MSI2: variants seen among roughly 807,000 people sequenced by gnomAD.
MSI2 encodes musashi RNA binding protein 2.
MSI2 carries 17 observed loss-of-function variants against 45.6 expected under a neutral mutation model. The ratio of observed to expected loss-of-function variants is 0.37; its 90% confidence interval spans 0.26 to 0.56. The LOEUF (loss-of-function observed/expected upper bound fraction) is 0.56, where lower values mean the gene tolerates loss of function less well. Ranked by LOEUF, MSI2 falls within the 20% of genes least tolerant of loss-of-function variation. The pLI is 0.77. For synonymous variants in MSI2, 156 were observed against 158.2 expected, an observed-to-expected ratio of 0.99 and a Z score of 0.11; for missense variants, 293 against 444.2, an observed-to-expected ratio of 0.66 and a Z score of 3.06.
At chr17:57,555,706 C>T (rs988781611) in intron 7 of MSI2, among the ~76,000 whole-genome samples, 1 of 152,144 alleles carries the variant, frequency 6.6e-6, no homozygotes, top group Non-Finnish European at 1.5e-5. Context: ...TCTTGGTGTC[C>T]CCAGTACCTG....
chr17:57,589,227 G>T (rs538472878), intron 7 of MSI2, among the ~76,000 whole-genome samples: 61 of 152,286 alleles, frequency 4.0e-4, no homozygotes, highest in African/African-American at 1.4e-3. Flanking sequence ...ACTCCAATTG[G>T]CTCTCACTGA....
intron 6 of MSI2, among the ~76,000 whole-genome samples, chr17:57,422,683 C>G (rs1430396023): frequency 2.0e-5 from 3 of 152,172 alleles, no homozygotes; most frequent in African/African-American, 7.2e-5. Context: ...TCGTGGTCTG[C>G]TTTGATGTCA....
chr17:57,614,870 A>G (rs1191466909), intron 8 of MSI2, among the ~76,000 whole-genome samples: 1 of 152,224 alleles, frequency 6.6e-6, no homozygotes, highest in East Asian at 1.9e-4. Context: ...GTATACAAGC[A>G]GATTAGCATG....
chr17:57,296,995 C>T lies in MSI2; in HGVS notation c.312+34803C>T, dbSNP rs904043995. ...GTTTACGCCATTCTCCTGCCTCAGC[C>T]TCCTGGGTAGCTGGGACTACAGGCC... On this transcript the variant is annotated intron_variant, in intron 5 of 13. Transcript: ENST00000284073. Among the ~76,000 whole-genome samples the T allele has an allele frequency of 3.3e-5, 5 of 152,168 alleles. No homozygotes were observed. In the East Asian group the frequency reaches 5.8e-4, roughly 18 times the overall value.
chr17:57,385,616 A>T (rs1018980600), intron 5 of MSI2, among the ~76,000 whole-genome samples: 7 of 152,108 alleles, frequency 4.6e-5, no homozygotes, highest in Non-Finnish European at 7.4e-5. Context: ...GTGCCGTTGC[A>T]CCCCACCCTG....
intron 11 of MSI2, among the ~76,000 whole-genome samples, chr17:57,655,328 T>C (rs1366797557): frequency 1.3e-5 from 2 of 152,220 alleles, no homozygotes; most frequent in African/African-American, 4.8e-5. Context: ...TCAGTTCCAG[T>C]GGCCCCATCA....
intron 6 of MSI2, among the ~76,000 whole-genome samples, chr17:57,477,145 G>GGTGTGTGT (rs59127306): frequency 0.011 from 1,338 of 118,686 alleles, 25 homozygotes; most frequent in Non-Finnish European, 0.014. Flanking sequence ...CATAAGGCCT[G>GGTGTGTGT]GTGTGTGTGT....
intron 6 of MSI2, among the ~76,000 whole-genome samples, chr17:57,505,293 A>G (rs976810574): frequency 2.0e-5 from 3 of 152,130 alleles, no homozygotes; most frequent in African/African-American, 7.2e-5. Context: ...GGTGGGGGCC[A>G]TGGATCAGGT....
chr17:57,517,783 C>A (rs1315176940), intron 6 of MSI2, among the ~76,000 whole-genome samples: 1 of 152,088 alleles, frequency 6.6e-6, no homozygotes, highest in Non-Finnish European at 1.5e-5. Flanking sequence ...CTGGCTTATC[C>A]CCTTGCCCCT....
chr17:57,622,364 T>C (rs937487258), intron 9 of MSI2, among the ~76,000 whole-genome samples: 5 of 152,264 alleles, frequency 3.3e-5, no homozygotes, highest in Admixed American at 2.0e-4. Context: ...ATTGTTGATA[T>C]ATTTTATTTC....
At chr17:57,410,593 T>TAA (rs71139991) in intron 6 of MSI2, among the ~76,000 whole-genome samples, 55 of 149,460 alleles carry the variant, frequency 3.7e-4, no homozygotes, top group South Asian at 1.1e-3. Flanking sequence ...TTAATTAAAT[T>TAA]AAAAAAAAAA....
chr17:57,512,550 C>T (rs1344543251), intron 6 of MSI2, among the ~76,000 whole-genome samples: 3 of 152,176 alleles, frequency 2.0e-5, no homozygotes, highest in African/African-American at 7.2e-5. Flanking sequence ...TTAATTTCCT[C>T]GTTGAACAGA....
intron 5 of MSI2, among the ~76,000 whole-genome samples, chr17:57,384,697 G>C (rs1252168103): frequency 1.3e-5 from 2 of 152,064 alleles, no homozygotes; most frequent in African/African-American, 2.4e-5. Context: ...AAAAGATGCT[G>C]GCTAACTCCT....
intron 5 of MSI2, among the ~76,000 whole-genome samples, chr17:57,272,235 G>A (rs1259665225): frequency 6.6e-6 from 1 of 152,210 alleles, no homozygotes; most frequent in African/African-American, 2.4e-5. Flanking sequence ...CCACCCTAAA[G>A]AGGCCGTGAA....
chr17:57,477,148 GT>G (rs1567847164), intron 6 of MSI2, among the ~76,000 whole-genome samples: 4 of 9,544 alleles, frequency 4.2e-4, no homozygotes, highest in Non-Finnish European at 8.6e-4. Context: ...AAGGCCTGGT[GT>G]GTGTGTGTGT....
At chr17:57,336,815 G>A (rs1485813240) in intron 5 of MSI2, among the ~76,000 whole-genome samples, 1 of 152,150 alleles carries the variant, frequency 6.6e-6, no homozygotes, top group African/African-American at 2.4e-5. Context: ...CCAGAATTTA[G>A]CAACTTAAAA....
At chr17:57,562,825 C>T (rs987217213) in intron 7 of MSI2, among the ~76,000 whole-genome samples, 2 of 151,952 alleles carry the variant, frequency 1.3e-5, no homozygotes, top group African/African-American at 2.4e-5. Context: ...AGGCCGGGTG[C>T]GATGGCTCAT....
Position 57,652,569 on chromosome 17 carries a change from C to T in MSI2, c.790+408C>T, listed in dbSNP as rs1038942247. On this transcript the variant is annotated intron_variant, in intron 11 of 13. Transcript: ENST00000284073. This position sits in a 1 kb window ranked among gnomAD's most constrained non-coding sequence, Gnocchi z 4.1. ...CAGCCAGAGAAGTGCTAGGCTGTCC[C>T]CTGGGACCCTGCTGCACTGGTAGGT... Among the ~76,000 whole-genome samples, 7 of 152,210 alleles carry T rather than the reference C, an allele frequency of 4.6e-5. No homozygotes were observed. Among genetic ancestry groups the T allele is most frequent in the African/African-American group, 1.7e-4 (7 of 41,450 alleles).
At chr17:57,668,730 C>T (rs143234261) in intron 11 of MSI2, among the ~76,000 whole-genome samples, 3 of 152,314 alleles carry the variant, frequency 2.0e-5, no homozygotes, top group Admixed American at 6.5e-5. Flanking sequence ...AGTAATATAT[C>T]TGTTTGTATA....
Sources: gnomAD v4.1 joint callset for allele counts (sites outside exome capture counted in the v4.1 genomes callset) on GRCh38, gnomAD v4.1.1 for gene constraint, Gnocchi (gnomAD v3.1) non-coding constraint, MANE v1.5 for transcripts, NCBI Gene and HGNC (gene_info 2026-07-23, HGNC 2026-07-21) for gene names.